The following PUS1 variants were observed in gnomAD, a reference collection of about 807,000 sequenced individuals.
The protein encoded by PUS1 is pseudouridylate synthase 1 homolog.
In PUS1, 25 loss-of-function variants were observed where a neutral mutation model predicts 38.5. The observed-to-expected ratio is 0.65, with a 90% confidence interval of 0.47 to 0.91. PUS1 has a LOEUF of 0.91. PUS1 is among the 40% of genes least tolerant of loss of function. The probability of loss-of-function intolerance (pLI) is 0.00; values close to 1 mark genes in which losing one functional copy is unlikely to be tolerated. For synonymous variants in PUS1, 282 were observed against 260.4 expected (o/e 1.08, Z -0.80); for missense variants, 597 against 612.3 (o/e 0.97, Z 0.26).
chr12:131,942,407 C>CTT (rs143876811), intron 5 of PUS1, among the ~76,000 whole-genome samples: 2 of 149,332 alleles, frequency 1.3e-5, no homozygotes, highest in Admixed American at 6.7e-5. Flanking sequence ...TTTGTTCTTT[C>CTT]TTTTTTTTTT....
chr12:131,929,789 C>G lies in PUS1; in HGVS notation c.67C>G (p.Pro23Ala). 6.3e-7 allele frequency: 1 copy of G among 1,589,096 alleles called. No homozygotes were observed. The highest frequency in any genetic ancestry group is 1.1e-5 in the South Asian group (1 of 89,172). The change falls in exon 1 of 6, where the codon CCG (proline) becomes GCG (alanine). Residue 23 changes from proline (P) to alanine (A), a missense_variant. Physicochemically the swap from Pro to Ala is conservative, Grantham distance 27. Coordinates refer to ENST00000376649, the MANE Select transcript of PUS1 (RefSeq NM_025215.6). ...GTGGACCCTGCGCCTGGGACCGCGT[C>G]CGTCCTGGTAATGACCGCGACGCCG... ...GRWTLRLGPR[P>A]SCSPRMAGNA...
At position 131,932,199 on chromosome 12, in the gene PUS1, A is replaced by G. The variant is rs762359807; in HGVS notation, c.328A>G (p.Lys110Glu). 2 of 1,614,036 alleles carry G rather than the reference A, an allele frequency of 1.2e-6. No homozygotes were observed. Among genetic ancestry groups the G allele is most frequent in the African/African-American group, 1.3e-5 (1 of 74,944 alleles). The change falls in exon 3 of 6, where the codon AAA becomes GAA. Residue 110 changes from lysine to glutamate, a missense_variant. Coordinates refer to ENST00000376649, the MANE Select transcript of PUS1 (RefSeq NM_025215.6). ...GAGGAATGTCGGGTCCTCACAATTC[A>G]AAACAATTGAAGATGACTTGGTGTC... Reference protein sequence around the residue: ...MQRNVGSSQFKTIEDDLVSAL... With the variant: ...MQRNVGSSQFETIEDDLVSAL...
At chr12:131,936,942 A>G (rs140635695) in intron 3 of PUS1, among the ~76,000 whole-genome samples, 1,762 of 151,958 alleles carry the variant, frequency 0.012, 17 homozygotes, top group Middle Eastern at 0.052. Context: ...ACAGCCAGAC[A>G]TAGGACACCC....
intron 3 of PUS1, among the ~76,000 whole-genome samples, chr12:131,933,952 G>A (rs926387327): frequency 1.2e-4 from 19 of 152,336 alleles, no homozygotes; most frequent in African/African-American, 3.6e-4. Context: ...GGTAAGGAGC[G>A]TGTGTCATCT....
Position 131,938,871 on chromosome 12 carries a change from G to A in PUS1, c.442-302G>A, listed in dbSNP as rs767509152. On this transcript the variant is annotated intron_variant, in intron 3 of 5. Coordinates refer to ENST00000376649, the MANE Select transcript of PUS1 (RefSeq NM_025215.6). The stretch of plus-strand genomic sequence containing the variant: ...CAAGTAGCTGGGACTACAGGCGCCT[G>A]TCACCATGCCCGGCTAATTTTTTGT... Among the ~76,000 whole-genome samples, 31 of 152,230 alleles carry A rather than the reference G, an allele frequency of 2.0e-4. 1 individual carries two copies. The highest frequency in any genetic ancestry group is 4.4e-4 in the Non-Finnish European group (30 of 68,018).
At chr12:131,932,416 T>A in intron 3 of PUS1, 104 bp downstream of exon 3, 1 of 1,366,740 alleles carries the variant, frequency 7.3e-7, no homozygotes, top group East Asian at 2.4e-5. Flanking sequence ...GAGCACATAA[T>A]GATGTACAAA....
At chr12:131,940,941 C>A in intron 4 of PUS1, 1 of 290,170 alleles carries the variant, frequency 3.4e-6, no homozygotes, top group Non-Finnish European at 6.6e-6. Flanking sequence ...TATTTCCAGT[C>A]ATGTATAAAG....
chr12:131,943,722 G>A lies in PUS1; in HGVS notation c.*136G>A. Reference sequence around the variant, plus strand: ...GGCCATGCCGGCGTTGTAACCTCAGGACCTTCCCTTGTAGGAACAGCCTTT... The same window carrying A: ...GGCCATGCCGGCGTTGTAACCTCAGAACCTTCCCTTGTAGGAACAGCCTTT... On this transcript the variant is annotated 3_prime_UTR_variant, in exon 6 of 6. Coordinates refer to ENST00000376649, the MANE Select transcript of PUS1 (RefSeq NM_025215.6). The A allele has an allele frequency of 1.3e-6, 1 of 741,944 alleles. No individual in the cohort carries two copies. Among genetic ancestry groups the A allele is most frequent in the Non-Finnish European group, 2.4e-6 (1 of 415,684 alleles). The allele number at this position is 741,944 out of a possible 1,614,324, so 46.0% of individuals were successfully genotyped here.
intron 3 of PUS1, 63 bp downstream of exon 3, chr12:131,932,375 G>C (rs765488922): frequency 7.6e-6 from 12 of 1,581,684 alleles, no homozygotes; most frequent in Non-Finnish European, 1.0e-5. Flanking sequence ...CCACTTTCCA[G>C]CTCAGTGTTC....
At position 131,929,441 on chromosome 12, in the gene PUS1, G is replaced by C. The variant is rs1329727167; in HGVS notation, c.-282G>C. On this transcript the variant is annotated 5_prime_UTR_variant, in exon 1 of 6. Coordinates refer to ENST00000376649, the MANE Select transcript of PUS1 (RefSeq NM_025215.6). ...CGTCAGGGGACGTTGGAGTTGATCC[G>C]TCAGGGTCCCGGGGCGGTCTGGGGG... The C allele has an allele frequency of 9.7e-6, 4 of 410,716 alleles. No individual in the cohort carries two copies. Among genetic ancestry groups the C allele is most frequent in the African/African-American group, 6.2e-5 (3 of 48,288 alleles). The allele number at this position is 410,716 out of a possible 1,614,324, so 25.4% of individuals were successfully genotyped here. A position where few individuals can be genotyped will look rare whatever the true frequency, so the allele number is the denominator to read the frequency against.
intron 3 of PUS1, among the ~76,000 whole-genome samples, chr12:131,935,421 C>T (rs1375757215): frequency 6.6e-6 from 1 of 152,194 alleles, no homozygotes; most frequent in African/African-American, 2.4e-5. Flanking sequence ...AATACGTTTT[C>T]TCACTTGTAT....
Position 131,941,054 on chromosome 12 carries a change from AAATG to A in PUS1, c.545-237_545-234del. 1 of 562,348 alleles carries A rather than the reference AAATG, an allele frequency of 1.8e-6. No individual in the cohort carries two copies. The highest frequency in any genetic ancestry group is 3.2e-6 in the Non-Finnish European group (1 of 314,088). The allele number at this position is 562,348 out of a possible 1,614,324, so 34.8% of individuals were successfully genotyped here. A position where few individuals can be genotyped will look rare whatever the true frequency, so the allele number is the denominator to read the frequency against. On this transcript the variant is annotated intron_variant, in intron 4 of 5. Transcript: ENST00000376649. This position sits in a 1 kb window ranked among gnomAD's most constrained non-coding sequence, Gnocchi z 4.4. The stretch of plus-strand genomic sequence containing the variant: ...CTTCTCACTATTGGAAAATTACAAT[AAATG>A]GTTGTAAATTCAGTCACCTTATAGA...
At chr12:131,942,698 G>A (rs1373875203) in intron 5 of PUS1, among the ~76,000 whole-genome samples, 7 of 152,216 alleles carry the variant, frequency 4.6e-5, no homozygotes, top group Non-Finnish European at 7.3e-5. Flanking sequence ...GAGCCACTGC[G>A]TCCGGCCAGC....
chr12:131,937,619 G>A (rs1028956250), intron 3 of PUS1, among the ~76,000 whole-genome samples: 3 of 152,188 alleles, frequency 2.0e-5, no homozygotes, highest in Non-Finnish European at 2.9e-5. Context: ...CAGGCGATCC[G>A]CCTGCCCCGG....
chr12:131,943,503 C>T (rs1375181060), intron 5 of PUS1, 36 bp from the exon 6 acceptor site: 3 of 1,589,354 alleles, frequency 1.9e-6, no homozygotes, highest in African/African-American at 1.3e-5. Context: ...GGAGAGAGTG[C>T]TTGCCTCTTA....
At chr12:131,942,400 GTTCT>G (rs1313884316) in intron 5 of PUS1, among the ~76,000 whole-genome samples, 1 of 146,916 alleles carries the variant, frequency 6.8e-6, no homozygotes, top group East Asian at 1.9e-4. Context: ...GCCCGAGTTT[GTTCT>G]TTCTTTTTTT....
chr12:131,941,213 C>T lies in PUS1; in HGVS notation c.545-79C>T, dbSNP rs1462643870. 5 of 1,274,520 alleles carry T rather than the reference C, an allele frequency of 3.9e-6. No individual in the cohort carries two copies. The highest frequency in any genetic ancestry group is 2.4e-5 in the East Asian group (1 of 41,110). 79.0% of individuals were successfully genotyped at this position (1,274,520 alleles called of 1,614,324 possible). A position where few individuals can be genotyped will look rare whatever the true frequency, so the allele number is the denominator to read the frequency against. On this transcript the variant is annotated intron_variant, in intron 4 of 5. Coordinates refer to ENST00000376649, the MANE Select transcript of PUS1 (RefSeq NM_025215.6). The surrounding 1 kb of genome is among the most constrained non-coding windows in gnomAD (Gnocchi z 4.4). ...CTCTGGGTAAGGAGACGCTGGGGCT[C>T]ACGCCGTGCTCAGGCTGCTCCCTGG...
chr12:131,935,469 G>A (rs1439372310), intron 3 of PUS1, among the ~76,000 whole-genome samples: 2 of 152,138 alleles, frequency 1.3e-5, no homozygotes, highest in Admixed American at 6.5e-5. Flanking sequence ...AGGCCGGCAC[G>A]GTCACACCCG....
chr12:131,942,619 G>C lies in PUS1; in HGVS notation c.1236+636G>C, dbSNP rs912907672. Among the ~76,000 whole-genome samples, 5 of 152,288 alleles carry C rather than the reference G, an allele frequency of 3.3e-5. No individual in the cohort carries two copies. The East Asian group carries it at 7.7e-4, about 24-fold the overall frequency. On this transcript the variant is annotated intron_variant, in intron 5 of 5. Coordinates refer to ENST00000376649, the MANE Select transcript of PUS1 (RefSeq NM_025215.6). ...GATGGGGTTTCACCATGTTAGCCAG[G>C]ATGGTCTTGATCTCCTGACCTTGTG...
Sources: allele counts gnomAD v4.1 joint callset (sites outside exome capture counted in the v4.1 genomes callset), GRCh38; gene constraint gnomAD v4.1.1; non-coding constraint Gnocchi (gnomAD v3.1); transcripts MANE v1.5; gene names NCBI Gene and HGNC (gene_info 2026-07-23, HGNC 2026-07-21).